TMEM54: variants seen among roughly 807,000 people sequenced by gnomAD.
TMEM54 encodes the protein transmembrane protein 54.
TMEM54 carries 21 observed loss-of-function variants against 21.3 expected under a neutral mutation model. The observed-to-expected ratio is 0.99, with a 90% confidence interval of 0.70 to 1.42. TMEM54 has a LOEUF of 1.42. Ranked by LOEUF, TMEM54 falls within the 40% of genes most tolerant of loss-of-function variation. The pLI is 0.00. For missense variants in TMEM54, 246 were observed against 294.0 expected (o/e 0.84, Z 1.19); for synonymous variants, 109 against 125.0 (o/e 0.87, Z 0.86).
rs192402223 is a variant in TMEM54, at chr1:32,901,362, A to T, written c.-124T>A. Reference sequence around the variant, plus strand: ...GCGCCCCGCACCGTCGCGCTCGCCCACTTCCCGCCCGGAGCCCGGGGCTGG... The same window carrying T: ...GCGCCCCGCACCGTCGCGCTCGCCCTCTTCCCGCCCGGAGCCCGGGGCTGG... On this transcript the variant is annotated 5_prime_UTR_variant, in exon 1 of 6. Transcript: ENST00000373463. This position sits in a 1 kb window ranked among gnomAD's most constrained non-coding sequence, Gnocchi z 4.2. 4.0e-3 allele frequency: 3,945 copies of T among 987,480 alleles called. 115 individuals carry two copies. The African/African-American group carries it at 0.058, about 14-fold the overall frequency. The allele number at this position is 987,480 out of a possible 1,614,324, so 61.2% of individuals were successfully genotyped here.
rs1167671625 is a variant in TMEM54, at chr1:32,897,077, C to T, written c.210+1049G>A. Among the ~76,000 whole-genome samples the T allele has an allele frequency of 1.3e-5, 2 of 152,208 alleles. No individual in the cohort carries two copies. The highest frequency in any genetic ancestry group is 2.9e-5 in the Non-Finnish European group (2 of 68,038). The stretch of plus-strand genomic sequence containing the variant: ...GAAGTGGTCCAGCTCAAAGTCCATC[C>T]TGGTGGACCTCCTCGCCCTGAGCTC... On this transcript the variant is annotated intron_variant, in intron 2 of 5. Transcript: ENST00000373463. The surrounding 1 kb of genome is among the most constrained non-coding windows in gnomAD (Gnocchi z 4.9).
chr1:32,894,727 A>G lies in TMEM54; in HGVS notation c.*78T>C. 1.3e-6 allele frequency: 2 copies of G among 1,564,260 alleles called. No homozygotes were observed. Among genetic ancestry groups the G allele is most frequent in the Non-Finnish European group, 1.7e-6 (2 of 1,143,662 alleles). On this transcript the variant is annotated 3_prime_UTR_variant, in exon 6 of 6. Coordinates refer to ENST00000373463, the MANE Select transcript of TMEM54 (RefSeq NM_033504.4). ...CATTGAGCCCTCTCAGGCCAGCTCC[A>G]GGAATCCTGGCCTGGTCACAGAGCA...
At position 32,901,123 on chromosome 1, in the gene TMEM54, T is replaced by C; in HGVS notation, c.16+100A>G. On this transcript the variant is annotated intron_variant, in intron 1 of 5. Transcript: ENST00000373463. This position sits in a 1 kb window ranked among gnomAD's most constrained non-coding sequence, Gnocchi z 4.2. ...CGTAGTAAGTTAGAGGCAGAGCAGGTGGCCTGGCCCCCTGGGGGCTCGGGT... is the reference window on the plus strand; with the variant it reads ...CGTAGTAAGTTAGAGGCAGAGCAGGCGGCCTGGCCCCCTGGGGGCTCGGGT... 1 of 1,250,734 alleles carries C rather than the reference T, an allele frequency of 8.0e-7. No homozygotes were observed. The allele number at this position is 1,250,734 out of a possible 1,614,324, so 77.5% of individuals were successfully genotyped here.
chr1:32,898,319 C>T lies in TMEM54; in HGVS notation c.17G>A (p.Gly6Glu). 3.1e-6 allele frequency: 5 copies of T among 1,596,598 alleles called. No individual in the cohort carries two copies. Among genetic ancestry groups the T allele is most frequent in the Non-Finnish European group, 4.3e-6 (5 of 1,165,560 alleles). The change falls in exon 2 of 6, where the codon GGA (glycine) becomes GAA (glutamate). Residue 6 changes from glycine (G) to glutamate (E), a missense_variant and splice_region_variant. Transcript: ENST00000373463. ...CCGGAAGTCGCCCACACTCAGGCCT[C>T]CTGTGGGGGACAGCTATGTCAGGGC... Reference protein sequence around the residue: MCLRLGGLSVGDFRKV... With the variant: MCLRLEGLSVGDFRKV...
chr1:32,898,107 C>T lies in TMEM54; in HGVS notation c.210+19G>A, dbSNP rs773283157. 21 of 1,577,112 alleles carry T rather than the reference C, an allele frequency of 1.3e-5. No individual in the cohort carries two copies. In the Admixed American group the frequency reaches 2.9e-4, roughly 22 times the overall value. ...CCTCCAGCCTCCTCCCACCAACCAC[C>T]CTCCCAGCCTGGCCATACCACGATG... On this transcript the variant is annotated intron_variant, in intron 2 of 5. Transcript: ENST00000373463.
chr1:32,899,282 C>T (rs933393116), intron 1 of TMEM54, among the ~76,000 whole-genome samples: 9 of 151,792 alleles, frequency 5.9e-5, no homozygotes, highest in Non-Finnish European at 8.8e-5. Flanking sequence ...ACATCCCCTT[C>T]TTTAGCTGCT....
rs1012395227 is a variant in TMEM54 at position 32,901,181 on chromosome 1, T to C, written c.16+42A>G. On this transcript the variant is annotated intron_variant, in intron 1 of 5. Coordinates refer to ENST00000373463, the MANE Select transcript of TMEM54 (RefSeq NM_033504.4). This position sits in a 1 kb window ranked among gnomAD's most constrained non-coding sequence, Gnocchi z 4.2. ...TCAGTGCTCCGCTCCTGTGGGAGGG[T>C]TGGGGTGGTTCGGGGCCTCCCGCGC... 8.8e-6 allele frequency: 13 copies of C among 1,473,150 alleles called. No individual in the cohort carries two copies. The Middle Eastern group carries it at 7.7e-4, about 87-fold the overall frequency. The allele number at this position is 1,473,150 out of a possible 1,614,324, so 91.3% of individuals were successfully genotyped here.
chr1:32,901,116 G>A lies in TMEM54; in HGVS notation c.16+107C>T, dbSNP rs549423287. On this transcript the variant is annotated intron_variant, in intron 1 of 5. Coordinates refer to ENST00000373463, the MANE Select transcript of TMEM54 (RefSeq NM_033504.4). The surrounding 1 kb of genome is among the most constrained non-coding windows in gnomAD (Gnocchi z 4.2). ...CCGGCCTCGTAGTAAGTTAGAGGCA[G>A]AGCAGGTGGCCTGGCCCCCTGGGGG... The A allele has an allele frequency of 1.2e-4, 141 of 1,219,104 alleles. No individual in the cohort carries two copies. In the East Asian group the frequency reaches 4.1e-3, roughly 35 times the overall value. The allele number at this position is 1,219,104 out of a possible 1,614,324, so 75.5% of individuals were successfully genotyped here.
intron 1 of TMEM54, among the ~76,000 whole-genome samples, chr1:32,900,416 G>C (rs972526956): frequency 1.3e-5 from 2 of 152,014 alleles, no homozygotes; most frequent in African/African-American, 4.8e-5. Flanking sequence ...TGTAGAGACG[G>C]ATTTCACTAT....
At position 32,896,093 on chromosome 1, in the gene TMEM54, C is replaced by A. The variant is rs1641594235; in HGVS notation, c.211-124G>T. ...CATTGCCCTCCAGACTCCCCCACCC[C>A]TCACCTGCTGCTTAGCCTGGGCCTC... On this transcript the variant is annotated intron_variant, in intron 2 of 5. Transcript: ENST00000373463. This position sits in a 1 kb window ranked among gnomAD's most constrained non-coding sequence, Gnocchi z 4.1. The A allele has an allele frequency of 7.0e-6, 7 of 1,005,210 alleles. No individual in the cohort carries two copies. The highest frequency in any genetic ancestry group is 8.6e-6 in the Non-Finnish European group (6 of 697,174). 62.3% of individuals were successfully genotyped at this position (1,005,210 alleles called of 1,614,324 possible).
At chr1:32,898,989 G>A (rs1163796911) in intron 1 of TMEM54, among the ~76,000 whole-genome samples, 2 of 152,190 alleles carry the variant, frequency 1.3e-5, no homozygotes, top group African/African-American at 2.4e-5. Flanking sequence ...TGTACCCTGA[G>A]GGTACTGGGA....
At position 32,896,728 on chromosome 1, in the gene TMEM54, C is replaced by T. The variant is rs1293799492; in HGVS notation, c.211-759G>A. Among the ~76,000 whole-genome samples the T allele has an allele frequency of 6.6e-6, 1 of 152,264 alleles. No individual in the cohort carries two copies. Among genetic ancestry groups the T allele is most frequent in the Non-Finnish European group, 1.5e-5 (1 of 68,050 alleles). On this transcript the variant is annotated intron_variant, in intron 2 of 5. Transcript: ENST00000373463. The surrounding 1 kb of genome is among the most constrained non-coding windows in gnomAD (Gnocchi z 4.1). ...CTTCCTCCTGATGTTCCTCACTGGA[C>T]CAGGCTTGGGCCGGACCCATCTGAG...
chr1:32,896,197 G>A lies in TMEM54; in HGVS notation c.211-228C>T. 2.0e-6 allele frequency: 1 copy of A among 494,366 alleles called. No homozygotes were observed. The highest frequency in any genetic ancestry group is 3.6e-6 in the Non-Finnish European group (1 of 278,244). The allele number at this position is 494,366 out of a possible 1,614,324, so 30.6% of individuals were successfully genotyped here. A position where few individuals can be genotyped will look rare whatever the true frequency, so the allele number is the denominator to read the frequency against. On this transcript the variant is annotated intron_variant, in intron 2 of 5. Transcript: ENST00000373463. This position sits in a 1 kb window ranked among gnomAD's most constrained non-coding sequence, Gnocchi z 4.1. ...TCACTCCCTCTCTACAACCTTCCAT[G>A]AGTCCCCACTCCTAAGCCTGTGTCT...
intron 1 of TMEM54, among the ~76,000 whole-genome samples, chr1:32,900,436 G>T (rs1217646613): frequency 6.6e-6 from 1 of 152,030 alleles, no homozygotes; most frequent in East Asian, 1.9e-4. Flanking sequence ...TGTTGGCCAG[G>T]CTAGTCTCTC....
chr1:32,895,670 G>C lies in TMEM54; in HGVS notation c.344C>G (p.Ser115Cys). The change falls in exon 4 of 6, where the codon TCC (serine) becomes TGC (cysteine). Residue 115 changes from serine (S) to cysteine (C), a missense_variant. Physicochemically the swap from Ser to Cys is moderately radical, Grantham distance 112. Coordinates refer to ENST00000373463, the MANE Select transcript of TMEM54 (RefSeq NM_033504.4). This position sits in a 1 kb window ranked among gnomAD's most constrained non-coding sequence, Gnocchi z 5.8. ...SLTCALGLLA[S>C]IAMTFATQGK... is the part of the protein sequence containing the mutation. ...CTGGGTGGCAAAGGTCATGGCGATG[G>C]AGGCCAAGAGGCCGAGGGCACAGGT... 1 of 1,561,822 alleles carries C rather than the reference G, an allele frequency of 6.4e-7. No homozygotes were observed. Among genetic ancestry groups the C allele is most frequent in the South Asian group, 1.2e-5 (1 of 84,800 alleles).
intron 5 of TMEM54, 68 bp from the exon 6 acceptor site, chr1:32,894,947 G>A (rs1301084004): frequency 1.0e-5 from 16 of 1,578,120 alleles, no homozygotes; most frequent in South Asian, 3.4e-5. Context: ...CAGGACATCC[G>A]GGAAATGGAA....
At position 32,898,148 on chromosome 1, in the gene TMEM54, A is replaced by AGGAT. The variant is rs752429629; in HGVS notation, c.184_187dup (p.Leu63HisfsTer26). ...TACCACGATGGCGGAAGTGACAGAGAGGATGTTGACCACGCAGTACTGCAG... is the reference window on the plus strand; with the variant it reads ...TACCACGATGGCGGAAGTGACAGAGAGGATGGATGTTGACCACGCAGTACTGCAG... On this transcript the variant is annotated frameshift_variant, in exon 2 of 6. Transcript: ENST00000373463. LOFTEE classifies it high-confidence loss of function. 29 of 1,598,382 alleles carry AGGAT rather than the reference A, an allele frequency of 1.8e-5. No homozygotes were observed. The highest frequency in any genetic ancestry group is 1.7e-4 in the Admixed American group (10 of 59,804).
At chr1:32,900,497 G>C (rs944650013) in intron 1 of TMEM54, among the ~76,000 whole-genome samples, 1 of 152,056 alleles carries the variant, frequency 6.6e-6, no homozygotes, top group South Asian at 2.1e-4. Context: ...CTGCCTCCCA[G>C]ATGAAGCCCA....
At chr1:32,894,979 C>T (rs527625041) in intron 5 of TMEM54, 100 bp from the exon 6 acceptor site, 3 of 1,522,410 alleles carry the variant, frequency 2.0e-6, no homozygotes, top group Non-Finnish European at 2.7e-6. Flanking sequence ...CTGGAAGGCT[C>T]TCTGGGGGCA....
Sources: gnomAD v4.1 joint callset for allele counts (sites outside exome capture counted in the v4.1 genomes callset) on GRCh38, gnomAD v4.1.1 for gene constraint, Gnocchi (gnomAD v3.1) non-coding constraint, MANE v1.5 for transcripts, NCBI Gene and HGNC (gene_info 2026-07-23, HGNC 2026-07-21) for gene names.